C19orf47: variants seen among roughly 807,000 people sequenced by gnomAD.
The protein encoded by C19orf47 is uncharacterized protein C19orf47.
Under a neutral mutation model 32.3 loss-of-function variants are expected in C19orf47, and 18 were observed. The observed-to-expected ratio is 0.56, with a 90% CI of 0.39 to 0.83. C19orf47 has a LOEUF of 0.83. Ranked by LOEUF, C19orf47 falls within the 40% of genes least tolerant of loss-of-function variation. The pLI is 0.00. For synonymous variants in C19orf47, 202 were observed against 211.1 expected (o/e 0.96, Z 0.37); for missense variants, 484 against 531.6 (o/e 0.91, Z 0.88).
rs373493985 is a variant in C19orf47, at chr19:40,321,187, A to T, written c.*695T>A. The T allele has an allele frequency of 2.5e-3, 2,379 of 964,738 alleles. 2 individuals carry two copies. The highest frequency in any genetic ancestry group is 4.3e-3 in the Middle Eastern group (8 of 1,872). 59.8% of individuals were successfully genotyped at this position (964,738 alleles called of 1,614,324 possible). The stretch of plus-strand genomic sequence containing the variant: ...CAGAGACAGATGCCCAGGGCAGGAA[A>T]ACGGATGCGCCTCAGCCGCAGCCCA... On this transcript the variant is annotated 3_prime_UTR_variant, in exon 9 of 9. Transcript: ENST00000683109.
At chr19:40,342,015 T>A in intron 1 of C19orf47, 125 bp from the exon 2 acceptor site, 1 of 1,494,406 alleles carries the variant, frequency 6.7e-7, no homozygotes, top group East Asian at 2.5e-5. Flanking sequence ...CGCCCAGGAA[T>A]AGCCTGGAGC....
chr19:40,328,578 G>C (rs117383339), intron 5 of C19orf47, 28 bp from the exon 6 acceptor site: 2 of 1,584,812 alleles, frequency 1.3e-6, no homozygotes, highest in Non-Finnish European at 1.7e-6. Flanking sequence ...GAGTCCGGTC[G>C]GGTGGGGTCC....
intron 1 of C19orf47, 33 bp from the exon 2 acceptor site, chr19:40,341,923 T>C: frequency 6.5e-7 from 1 of 1,536,104 alleles, no homozygotes. Flanking sequence ...GCCCATGAGC[T>C]GCTGCCGGCT....
At chr19:40,328,833 G>T (rs1430251079) in intron 5 of C19orf47, among the ~76,000 whole-genome samples, 21 of 152,032 alleles carry the variant, frequency 1.4e-4, no homozygotes. Flanking sequence ...ACCCAGCCTC[G>T]TGCTGAGTTC....
At chr19:40,325,305 T>C (rs534572824) in intron 7 of C19orf47, among the ~76,000 whole-genome samples, 39 of 152,020 alleles carry the variant, frequency 2.6e-4, no homozygotes, top group Non-Finnish European at 5.3e-4. Context: ...ATACTTACAT[T>C]TTAAACACAA....
At chr19:40,340,840 G>A (rs749683195) in intron 2 of C19orf47, among the ~76,000 whole-genome samples, 14 of 151,620 alleles carry the variant, frequency 9.2e-5, no homozygotes, top group African/African-American at 2.2e-4. Flanking sequence ...TTAGCCGGGC[G>A]TGATGGTGTG....
chr19:40,319,186 CTGGAACCCTGGAGG>C, downstream of C19orf47, among the ~76,000 whole-genome samples: 1 of 151,830 alleles, frequency 6.6e-6, no homozygotes, highest in Non-Finnish European at 1.5e-5. Context: ...AGGAGAATAG[CTGGAACCCTGGAGG>C]TGGAGGTTTC....
the C19orf47 span, among the ~76,000 whole-genome samples, chr19:40,295,960 G>A: frequency 1.3e-5 from 2 of 151,964 alleles, no homozygotes; most frequent in Admixed American, 1.3e-4. Flanking sequence ...TGCCCAGGCT[G>A]CTCTTAAACT....
chr19:40,312,831 A>G, the C19orf47 span, among the ~76,000 whole-genome samples: 3 of 152,230 alleles, frequency 2.0e-5, no homozygotes, highest in Non-Finnish European at 4.4e-5. Flanking sequence ...CCCTGGGACT[A>G]TAAGAGATAA....
chr19:40,296,676 G>A, the C19orf47 span, among the ~76,000 whole-genome samples: 1 of 152,156 alleles, frequency 6.6e-6, no homozygotes, highest in African/African-American at 2.4e-5. Context: ...CACTTCGGGA[G>A]GCTGAGACAG....
At chr19:40,329,165 A>C (rs2077897335) in intron 5 of C19orf47, among the ~76,000 whole-genome samples, 1 of 151,934 alleles carries the variant, frequency 6.6e-6, no homozygotes, top group Non-Finnish European at 1.5e-5. Flanking sequence ...CAAGAACATA[A>C]GCTCCACGAG....
At chr19:40,348,508 T>A, upstream of C19orf47, 2 of 1,491,684 alleles carry the variant, frequency 1.3e-6, no homozygotes, top group Non-Finnish European at 8.9e-7. Flanking sequence ...AGTGCGGCCA[T>A]AACCATCACG....
intron 8 of C19orf47, among the ~76,000 whole-genome samples, chr19:40,323,509 C>G (rs565435280): frequency 6.6e-6 from 1 of 152,320 alleles, no homozygotes; most frequent in Admixed American, 6.5e-5. Flanking sequence ...AGAGCCTCTG[C>G]AGGGCTTCCA....
the C19orf47 span, among the ~76,000 whole-genome samples, chr19:40,306,128 A>G: frequency 0.32 from 46,792 of 144,520 alleles, 9,664 homozygotes; most frequent in African/African-American, 0.59. Flanking sequence ...TCCAGCCTGG[A>G]CGACAAGAGC....
chr19:40,348,397 C>CCCCCGGCCCGGGCT, upstream of C19orf47: 1 of 1,474,650 alleles, frequency 6.8e-7, no homozygotes, highest in Non-Finnish European at 8.9e-7. Context: ...AGACACTCCT[C>CCCCCGGCCCGGGCT]CCCCGGCCCG....
intron 1 of C19orf47, chr19:40,343,555 C>T (rs137920826): frequency 2.6e-4 from 40 of 152,364 alleles, no homozygotes; most frequent in African/African-American, 8.9e-4. Context: ...ACTAAGCACC[C>T]TGGAGGTGTT....
intron 1 of C19orf47, 122 bp from the exon 2 acceptor site, chr19:40,342,012 G>T: frequency 6.7e-7 from 1 of 1,497,194 alleles, no homozygotes; most frequent in Non-Finnish European, 8.9e-7. Context: ...CACCGCCCAG[G>T]AATAGCCTGG....
At chr19:40,338,262 T>TAC (rs751604490) in intron 2 of C19orf47, among the ~76,000 whole-genome samples, 2 of 82,834 alleles carry the variant, frequency 2.4e-5, no homozygotes, top group Admixed American at 3.1e-4. Flanking sequence ...TATATACATA[T>TAC]ATATACACAC....
chr19:40,338,678 C>T (rs971992645), intron 2 of C19orf47, among the ~76,000 whole-genome samples: 7 of 152,104 alleles, frequency 4.6e-5, no homozygotes, highest in African/African-American at 1.2e-4. Flanking sequence ...CCACCGCCCC[C>T]GGCATTTTTT....
Sources: allele counts gnomAD v4.1 joint callset (sites outside exome capture counted in the v4.1 genomes callset), GRCh38; gene constraint gnomAD v4.1.1; transcripts MANE v1.5; gene names NCBI Gene and HGNC (gene_info 2026-07-23, HGNC 2026-07-21).